The following SLC6A16 variants were observed in gnomAD, a reference collection of about 807,000 sequenced individuals.
SLC6A16 encodes the protein orphan sodium- and chloride-dependent neurotransmitter transporter NTT5.
In SLC6A16, 54 loss-of-function variants were observed where a neutral mutation model predicts 65.4. The ratio of observed to expected loss-of-function variants is 0.83; its 90% CI spans 0.66 to 1.04. The LOEUF (loss-of-function observed/expected upper bound fraction) is 1.04, where lower values mean the gene tolerates loss of function less well. Among genes scored for constraint, SLC6A16 ranks in the 50% least tolerant of loss-of-function variants. SLC6A16 has a pLI of 0.00. For missense variants in SLC6A16, 816 were observed against 914.0 expected (o/e 0.89, Z 1.38); for synonymous variants, 330 against 346.5 (o/e 0.95, Z 0.53).
chr19:49,322,816 G>C (rs1399869719), intron 1 of SLC6A16, among the ~76,000 whole-genome samples: 1 of 75,192 alleles, frequency 1.3e-5, no homozygotes, highest in Admixed American at 2.1e-4. Context: ...AGAATTAGTA[G>C]CTTTTTTTTT....
the SLC6A16 span, chr19:49,335,524 T>C: frequency 6.2e-7 from 1 of 1,604,502 alleles, no homozygotes; most frequent in Non-Finnish European, 8.5e-7. This position sits in a 1 kb window ranked among gnomAD's most constrained non-coding sequence, Gnocchi z 4.6. Flanking sequence ...GTGGACCGCT[T>C]ACCCCACTAG....
Position 49,310,388 on chromosome 19 carries a change from G to A in SLC6A16, c.538C>T (p.Pro180Ser). The A allele has an allele frequency of 6.2e-7, 1 of 1,613,984 alleles. No homozygotes were observed. The change falls in exon 3 of 12, where the codon CCC becomes TCC. Residue 180 changes from proline (P) to serine (S), a missense_variant. Physicochemically the swap from Pro to Ser is moderately conservative, Grantham distance 74 (BLOSUM62 -1). Coordinates refer to ENST00000335875, the MANE Select transcript of SLC6A16 (RefSeq NM_014037.3). ...GGMGVWKIIA[P>S]WIGGVGYSSF... ...GAATACCCCACACCACCAATCCAGG[G>A]GGCAATGATCTTCCATACACCCATG...
intron 5 of SLC6A16, 32 bp downstream of exon 5, chr19:49,309,619 G>C: frequency 6.3e-7 from 1 of 1,591,044 alleles, no homozygotes; most frequent in Non-Finnish European, 8.6e-7. Context: ...AAGCATCTGA[G>C]AATTTCAAGG....
chr19:49,296,098 TC>T (rs1395832103), intron 7 of SLC6A16, among the ~76,000 whole-genome samples: 1 of 152,320 alleles, frequency 6.6e-6, no homozygotes, highest in Non-Finnish European at 1.5e-5. Flanking sequence ...CGAGCGATTC[TC>T]CTGCCTCAGC....
At chr19:49,331,547 G>A in the SLC6A16 span, 7 of 353,342 alleles carry the variant, frequency 2.0e-5, no homozygotes, top group Admixed American at 1.5e-4. Flanking sequence ...TTGTTAGGAT[G>A]TTTAAGGTTA....
rs955788146 is a variant in SLC6A16, at chr19:49,309,313, C to T, written c.975G>A (p.Leu325=). 6.2e-7 allele frequency: 1 copy of T among 1,612,958 alleles called. No homozygotes were observed. Residue 325 remains leucine, a synonymous_variant, in exon 6 of 12, where the codon TTG becomes TTA. Transcript: ENST00000335875. ...LEGAKFGLQQ[L]VVAKISDVYN... Reference sequence around the variant, plus strand: ...AGATAGATTTCACCTTGGCAACCACCAACTGTTGAAGGCCAAATTTTGCCC... The same window carrying T: ...AGATAGATTTCACCTTGGCAACCACTAACTGTTGAAGGCCAAATTTTGCCC...
At chr19:49,335,989 C>A in the SLC6A16 span, 1 of 599,888 alleles carries the variant, frequency 1.7e-6, no homozygotes, top group South Asian at 2.0e-5. This position sits in a 1 kb window ranked among gnomAD's most constrained non-coding sequence, Gnocchi z 4.6. Flanking sequence ...ATCATGAGAG[C>A]CATTTCTCAA....
chr19:49,313,625 C>CAAAAAAA (rs902187308), intron 1 of SLC6A16, among the ~76,000 whole-genome samples: 1 of 47,378 alleles, frequency 2.1e-5, no homozygotes, highest in Admixed American at 2.5e-4. Context: ...ACTAAAAATG[C>CAAAAAAA]AAAAAAAAAA....
intron 1 of SLC6A16, among the ~76,000 whole-genome samples, chr19:49,312,923 CAGA>C (rs1970548127): frequency 6.6e-6 from 1 of 151,978 alleles, no homozygotes; most frequent in Non-Finnish European, 1.5e-5. Flanking sequence ...CATCAATATA[CAGA>C]AGATGATCAG....
Position 49,293,922 on chromosome 19 carries a change from A to G in SLC6A16, c.1523T>C (p.Met508Thr), listed in dbSNP as rs761750177. ...SFIFFLMLLA[M>T]GLSSAIGIMQ... is the part of the protein sequence containing the mutation. ...AATCCCTATTGCGCTGCTCAGCCCCATGGCCAGCAACATCAGGAAGAAGAT... is the reference window on the plus strand; with the variant it reads ...AATCCCTATTGCGCTGCTCAGCCCCGTGGCCAGCAACATCAGGAAGAAGAT... Residue 508 changes from methionine (M) to threonine (T), a missense_variant, in exon 9 of 12, where the codon ATG (methionine) becomes ACG (threonine). Coordinates refer to ENST00000335875, the MANE Select transcript of SLC6A16 (RefSeq NM_014037.3). 72 of 1,613,844 alleles carry G rather than the reference A, an allele frequency of 4.5e-5. No homozygotes were observed. The highest frequency in any genetic ancestry group is 5.7e-5 in the Non-Finnish European group (67 of 1,179,950).
At chr19:49,337,819 G>C in the SLC6A16 span, 3 of 1,575,734 alleles carry the variant, frequency 1.9e-6, no homozygotes, top group African/African-American at 1.4e-5. Flanking sequence ...GTAAGGATTT[G>C]AGACTGGCCC....
chr19:49,325,207 T>A (rs1452365012), upstream of SLC6A16: 1 of 985,444 alleles, frequency 1.0e-6, no homozygotes, highest in East Asian at 1.1e-4. Flanking sequence ...GCGCGCGGCC[T>A]TTCCCGCCGA....
the SLC6A16 span, chr19:49,337,214 G>C: frequency 1.5e-5 from 24 of 1,613,942 alleles, no homozygotes; most frequent in Middle Eastern, 6.6e-4. Context: ...TCCACTCAGC[G>C]GGCCCAGGTG....
intron 7 of SLC6A16, among the ~76,000 whole-genome samples, chr19:49,296,811 A>G (rs1489160519): frequency 6.6e-6 from 1 of 152,092 alleles, no homozygotes; most frequent in African/African-American, 2.4e-5. Flanking sequence ...CAACATGGTG[A>G]AACCCCATCT....
chr19:49,310,843 A>G, intron 2 of SLC6A16, 90 bp downstream of exon 2: 3 of 1,030,228 alleles, frequency 2.9e-6, no homozygotes, highest in Non-Finnish European at 4.4e-6. Context: ...TAGTCTCTAC[A>G]TATCTCAGAA....
rs267605583 is a variant in SLC6A16 at position 49,309,029 on chromosome 19, G to A, written c.1076C>T (p.Ser359Phe). ...NTGIGLGSVA[S>F]LASYMPQSNN... ...GGACTGGGGCATGTAGGAGGCTAAG[G>A]AGGCAACGGAGCCAAGGCCTATGCC... The change falls in exon 7 of 12, where the codon TCC becomes TTC. Residue 359 changes from serine (S) to phenylalanine (F), a missense_variant. Ser to Phe is a radical substitution (Grantham distance 155). Transcript: ENST00000335875. The A allele has an allele frequency of 1.2e-6, 2 of 1,614,208 alleles. No homozygotes were observed. The highest frequency in any genetic ancestry group is 1.7e-6 in the Non-Finnish European group (2 of 1,180,034).
Position 49,290,062 on chromosome 19 carries a change from T to G in SLC6A16, c.*61A>C. On this transcript the variant is annotated 3_prime_UTR_variant, in exon 12 of 12. Coordinates refer to ENST00000335875, the MANE Select transcript of SLC6A16 (RefSeq NM_014037.3). ...GGAGATCAACAGTTGCAAGCTGATA[T>G]TAAGAGTTGTCTATTGGATCTGTTC... 1 of 1,515,798 alleles carries G rather than the reference T, an allele frequency of 6.6e-7. No homozygotes were observed. The highest frequency in any genetic ancestry group is 1.2e-5 in the South Asian group (1 of 81,362). The allele number at this position is 1,515,798 out of a possible 1,614,324, so 93.9% of individuals were successfully genotyped here.
the SLC6A16 span, chr19:49,339,925 A>C: frequency 7.3e-7 from 1 of 1,365,202 alleles, no homozygotes; most frequent in Non-Finnish European, 9.5e-7. This position sits in a 1 kb window ranked among gnomAD's most constrained non-coding sequence, Gnocchi z 4.5. Context: ...TGACACTGGA[A>C]GTGCGGGCGC....
chr19:49,311,355 A>C lies in SLC6A16; in HGVS notation c.-8T>G, dbSNP rs753623407. Reference sequence around the variant, plus strand: ...CTGGGCCTCTGTCTTCATCTCACACAGACTCTCTGGGGCAGCTCCCGCTTC... The same window carrying C: ...CTGGGCCTCTGTCTTCATCTCACACCGACTCTCTGGGGCAGCTCCCGCTTC... On this transcript the variant is annotated 5_prime_UTR_variant, in exon 2 of 12. Transcript: ENST00000335875. 1 of 1,563,236 alleles carries C rather than the reference A, an allele frequency of 6.4e-7. No individual in the cohort carries two copies. The highest frequency in any genetic ancestry group is 8.7e-7 in the Non-Finnish European group (1 of 1,154,882).
Sources: allele counts gnomAD v4.1 joint callset (sites outside exome capture counted in the v4.1 genomes callset), GRCh38; gene constraint gnomAD v4.1.1; non-coding constraint Gnocchi (gnomAD v3.1); transcripts MANE v1.5; gene names NCBI Gene and HGNC (gene_info 2026-07-23, HGNC 2026-07-21).